Variants in HYDIN observed in about 807,000 individuals in gnomAD.
HYDIN encodes the protein axonemal central pair apparatus protein HYDIN.
HYDIN carries 132 observed loss-of-function variants against 403.9 expected under a neutral mutation model. That is an observed-to-expected ratio of 0.33 (90% CI 0.28 to 0.38). The LOEUF (loss-of-function observed/expected upper bound fraction) is 0.38, where lower values mean the gene tolerates loss of function less well. Among genes scored for constraint, HYDIN ranks in the 10% least tolerant of loss-of-function variants. The probability of loss-of-function intolerance (pLI) is 1.00; values close to 1 mark genes in which losing one functional copy is unlikely to be tolerated. For synonymous variants in HYDIN, 1,202 were observed against 1,891.7 expected (o/e 0.64, Z 9.46); for missense variants, 2,827 against 5,009.5 (o/e 0.56, Z 13.15).
intron 18 of HYDIN, among the ~76,000 whole-genome samples, chr16:71,053,995 A>T (rs1207831307): frequency 6.6e-6 from 1 of 152,260 alleles, no homozygotes; most frequent in Non-Finnish European, 1.5e-5. Context: ...GACTTTTATC[A>T]TGCAACCTTG....
chr16:70,904,159 C>T, intron 50 of HYDIN, 95 bp from the exon 51 acceptor site: 1 of 577,308 alleles, frequency 1.7e-6, no homozygotes, highest in East Asian at 2.8e-5. Context: ...TTCAGAGGGA[C>T]AGTGTGGCTG....
intron 45 of HYDIN, among the ~76,000 whole-genome samples, chr16:70,932,727 GTTTT>G (rs547022478): frequency 6.6e-6 from 1 of 151,842 alleles, no homozygotes; most frequent in African/African-American, 2.4e-5. Flanking sequence ...CAACCAGCAT[GTTTT>G]TTTTTAAAGG....
intron 28 of HYDIN, among the ~76,000 whole-genome samples, chr16:70,984,425 T>A: frequency 7.7e-6 from 1 of 129,566 alleles, no homozygotes; most frequent in African/African-American, 2.9e-5. Flanking sequence ...AAAGATTAGC[T>A]AAGACAAATT....
intron 75 of HYDIN, among the ~76,000 whole-genome samples, chr16:70,844,673 T>A (rs898189257): frequency 1.4e-5 from 2 of 143,162 alleles, no homozygotes; most frequent in Admixed American, 7.0e-5. Context: ...TTCCTACCCA[T>A]GAGCATGGAA....
At chr16:71,078,908 T>G (rs1291911346) in intron 13 of HYDIN, among the ~76,000 whole-genome samples, 1 of 152,186 alleles carries the variant, frequency 6.6e-6, no homozygotes, top group Non-Finnish European at 1.5e-5. Flanking sequence ...ATCCCTAAGT[T>G]TTGGTTGTGA....
chr16:71,105,430 A>G (rs1330134968), intron 10 of HYDIN, among the ~76,000 whole-genome samples: 2 of 146,518 alleles, frequency 1.4e-5, no homozygotes, highest in Non-Finnish European at 1.5e-5. Flanking sequence ...TGAAAACTCA[A>G]AAGTGTTTTC....
intron 18 of HYDIN, among the ~76,000 whole-genome samples, chr16:71,051,415 G>C (rs2081632662): frequency 6.6e-6 from 1 of 151,754 alleles, no homozygotes; most frequent in Admixed American, 6.6e-5. Context: ...GGGAGGCCGA[G>C]GCAGATGGAC....
At chr16:71,030,393 G>T (rs2080863166) in intron 19 of HYDIN, among the ~76,000 whole-genome samples, 1 of 151,058 alleles carries the variant, frequency 6.6e-6, no homozygotes, top group South Asian at 2.1e-4. Flanking sequence ...ATATATATGT[G>T]TGTGTGTATA....
At chr16:71,222,223 T>C (rs983818465) in intron 1 of HYDIN, among the ~76,000 whole-genome samples, 1 of 151,770 alleles carries the variant, frequency 6.6e-6, no homozygotes, top group Non-Finnish European at 1.5e-5. Context: ...TAAACAAAAT[T>C]AAAAACAAAA....
intron 78 of HYDIN, among the ~76,000 whole-genome samples, chr16:70,834,710 T>C (rs2037252934): frequency 6.6e-6 from 1 of 151,866 alleles, no homozygotes; most frequent in African/African-American, 2.4e-5. Flanking sequence ...TAGACGGGCT[T>C]TGTGGTTTAT....
At chr16:71,184,752 A>T (rs1210450427) in intron 3 of HYDIN, 113 bp downstream of exon 3, 1 of 898,068 alleles carries the variant, frequency 1.1e-6, no homozygotes, top group Non-Finnish European at 1.7e-6. Context: ...GAGGATTGAA[A>T]ACAAACCCAA....
intron 23 of HYDIN, among the ~76,000 whole-genome samples, chr16:70,992,608 C>T (rs2079394610): frequency 1.3e-5 from 2 of 148,428 alleles, no homozygotes; most frequent in African/African-American, 2.6e-5. Context: ...GGGGATCCTG[C>T]TCCCAGTTCA....
intron 45 of HYDIN, among the ~76,000 whole-genome samples, chr16:70,930,412 C>T (rs1432188773): frequency 6.6e-6 from 1 of 152,058 alleles, no homozygotes; most frequent in South Asian, 2.1e-4. Flanking sequence ...ACCTGGGAGG[C>T]GGAGGTTGCA....
chr16:70,810,937 A>G (rs1026881956), intron 84 of HYDIN, among the ~76,000 whole-genome samples: 7 of 152,220 alleles, frequency 4.6e-5, no homozygotes, highest in African/African-American at 1.7e-4. Flanking sequence ...CATATATAGT[A>G]TGAGCTCTTT....
At chr16:71,115,852 G>T (rs1404794705) in intron 9 of HYDIN, 57 bp from the exon 10 acceptor site, 4 of 801,678 alleles carry the variant, frequency 5.0e-6, no homozygotes, top group African/African-American at 1.7e-5. Flanking sequence ...GACACTGCTT[G>T]TAAGTGTTAT....
intron 10 of HYDIN, among the ~76,000 whole-genome samples, chr16:71,101,881 A>G (rs2083465657): frequency 6.6e-6 from 1 of 152,144 alleles, no homozygotes; most frequent in Non-Finnish European, 1.5e-5. Context: ...ACCTGAAAAC[A>G]TGTTCAAGAC....
At chr16:71,033,366 T>C (rs1415416765) in intron 18 of HYDIN, among the ~76,000 whole-genome samples, 1 of 152,208 alleles carries the variant, frequency 6.6e-6, no homozygotes, top group Non-Finnish European at 1.5e-5. Context: ...TACTATATTA[T>C]TAATACTACT....
intron 18 of HYDIN, among the ~76,000 whole-genome samples, chr16:71,059,303 A>G (rs1379748493): frequency 6.6e-6 from 1 of 151,992 alleles, no homozygotes; most frequent in African/African-American, 2.4e-5. Flanking sequence ...TCTTTCATCC[A>G]TCTTATTTTT....
chr16:70,996,497 G>A (rs2079537587), intron 23 of HYDIN, among the ~76,000 whole-genome samples: 1 of 151,904 alleles, frequency 6.6e-6, no homozygotes, highest in Non-Finnish European at 1.5e-5. Context: ...CCCCACTTGT[G>A]CACTATGGGG....
Sources: gnomAD v4.1 joint callset for allele counts (sites outside exome capture counted in the v4.1 genomes callset) on GRCh38, gnomAD v4.1.1 for gene constraint, MANE v1.5 for transcripts, NCBI Gene and HGNC (gene_info 2026-07-23, HGNC 2026-07-21) for gene names.